The following PEAK1 variants were observed in gnomAD, a reference collection of about 807,000 sequenced individuals.
PEAK1 encodes the protein inactive tyrosine-protein kinase PEAK1.
PEAK1 carries 54 observed loss-of-function variants against 124.7 expected under a neutral mutation model. The observed-to-expected ratio is 0.43, with a 90% CI of 0.35 to 0.54. The LOEUF is 0.54. Among genes scored for constraint, PEAK1 ranks in the 20% least tolerant of loss-of-function variants. The probability of loss-of-function intolerance (pLI) is 0.01; values close to 1 mark genes in which losing one functional copy is unlikely to be tolerated. For missense variants in PEAK1, 2,046 were observed against 2,134.5 expected, an observed-to-expected ratio of 0.96 and a Z score of 0.82; for synonymous variants, 719 against 760.0, an observed-to-expected ratio of 0.95 and a Z score of 0.89.
chr15:77,235,050 C>A (rs548772600), intron 6 of PEAK1, among the ~76,000 whole-genome samples: 8 of 152,020 alleles, frequency 5.3e-5, no homozygotes, highest in Non-Finnish European at 1.2e-4. Flanking sequence ...CTTGCTTCCC[C>A]TTCACCTTCC....
chr15:77,168,974 TAAAGGCCA>T (rs2056318935), intron 7 of PEAK1, among the ~76,000 whole-genome samples: 2 of 152,206 alleles, frequency 1.3e-5, no homozygotes, highest in Non-Finnish European at 2.9e-5. Context: ...AAAGGTTAGC[TAAAGGCCA>T]TTCAGGCAGC....
chr15:77,245,865 C>T (rs925029191), intron 6 of PEAK1, among the ~76,000 whole-genome samples: 1 of 152,114 alleles, frequency 6.6e-6, no homozygotes, highest in Non-Finnish European at 1.5e-5. Context: ...TCAAGTACTG[C>T]AGTTTGATTA....
At chr15:77,128,239 C>A (rs2052558731) in intron 9 of PEAK1, among the ~76,000 whole-genome samples, 1 of 152,128 alleles carries the variant, frequency 6.6e-6, no homozygotes, top group African/African-American at 2.4e-5. Flanking sequence ...AAAGACATTG[C>A]CAGTTTGAAT....
At chr15:77,332,366 G>T in intron 2 of PEAK1, 1 of 571,904 alleles carries the variant, frequency 1.7e-6, no homozygotes, top group Non-Finnish European at 2.2e-6. Context: ...TTGGGAGGCT[G>T]AGAGGGGCAG....
At chr15:77,273,938 C>T (rs1257634079) in intron 5 of PEAK1, among the ~76,000 whole-genome samples, 1 of 152,042 alleles carries the variant, frequency 6.6e-6, no homozygotes, top group Admixed American at 6.6e-5. Context: ...GGCATAGAGA[C>T]CAATGGAACA....
chr15:77,326,139 C>G (rs2153025533), intron 2 of PEAK1, among the ~76,000 whole-genome samples: 1 of 152,212 alleles, frequency 6.6e-6, no homozygotes, highest in South Asian at 2.1e-4. Flanking sequence ...GCCATTTTAG[C>G]CATCTATCTT....
chr15:77,325,363 G>A (rs189527929), intron 2 of PEAK1, among the ~76,000 whole-genome samples: 5 of 151,840 alleles, frequency 3.3e-5, no homozygotes, highest in East Asian at 3.9e-4. Flanking sequence ...AGCTTTGATC[G>A]TGCCATTGCA....
At chr15:77,309,281 G>GAAGTTCATAGA (rs2064289817) in intron 2 of PEAK1, among the ~76,000 whole-genome samples, 1 of 152,044 alleles carries the variant, frequency 6.6e-6, no homozygotes, top group African/African-American at 2.4e-5. Flanking sequence ...TTAGGACTTT[G>GAAGTTCATAGA]AAGTTCATAG....
Position 77,180,923 on chromosome 15 carries a change from C to A in PEAK1, c.1004G>T (p.Ser335Ile), listed in dbSNP as rs768266106. The change falls in exon 7 of 10, where the codon AGC becomes ATC. Residue 335 changes from serine (S) to isoleucine (I), a missense_variant. Coordinates refer to ENST00000682557, the MANE Select transcript of PEAK1 (RefSeq NM_001385026.1). Reference protein sequence around the residue: ...VVSYGQGSIQSMVSSDSTSPD... With the variant: ...VVSYGQGSIQIMVSSDSTSPD... The stretch of plus-strand genomic sequence containing the variant: ...TGATGTGGAGTCAGATGACACCATG[C>A]TCTGAATGCTTCCTTGTCCATAAGA... 6.2e-7 allele frequency: 1 copy of A among 1,614,080 alleles called. No homozygotes were observed. Among genetic ancestry groups the A allele is most frequent in the Non-Finnish European group, 8.5e-7 (1 of 1,179,994 alleles).
rs140399122 is a variant in PEAK1, at chr15:77,374,316, A to G, written c.-665-9091T>C. On this transcript the variant is annotated intron_variant, in intron 1 of 9. Coordinates refer to ENST00000682557, the MANE Select transcript of PEAK1 (RefSeq NM_001385026.1). ...ACTTCTAATTAGTTTTACTAGGTAT[A>G]TTAATTATAAACAGAATACCATGAG... is the stretch of plus-strand genomic sequence containing the variant. 3.4e-3 allele frequency among the ~76,000 whole-genome samples: 512 copies of G among 152,298 alleles called. 3 individuals carry two copies. The highest frequency in any genetic ancestry group is 0.012 in the African/African-American group (499 of 41,562).
chr15:77,404,686 A>C (rs533721864), intron 1 of PEAK1: 137 of 951,624 alleles, frequency 1.4e-4, no homozygotes, highest in Non-Finnish European at 1.6e-4. Context: ...CTGCTGTACT[A>C]ATATATTTGG....
intron 6 of PEAK1, among the ~76,000 whole-genome samples, chr15:77,250,252 T>C (rs1225451222): frequency 1.4e-5 from 1 of 71,214 alleles, no homozygotes; most frequent in Non-Finnish European, 3.8e-5. Flanking sequence ...TATATATATA[T>C]ATATATTTTT....
At chr15:77,373,289 T>C (rs1298526495) in intron 1 of PEAK1, among the ~76,000 whole-genome samples, 1 of 152,138 alleles carries the variant, frequency 6.6e-6, no homozygotes, top group African/African-American at 2.4e-5. Flanking sequence ...TTTCTACTCA[T>C]TATGGAAGTC....
intron 1 of PEAK1, among the ~76,000 whole-genome samples, chr15:77,375,618 T>C (rs1185743333): frequency 6.6e-6 from 1 of 152,218 alleles, no homozygotes; most frequent in Non-Finnish European, 1.5e-5. Flanking sequence ...TTCATTAAAC[T>C]CACTTTGATC....
At chr15:77,378,804 G>T (rs1256260467) in intron 1 of PEAK1, among the ~76,000 whole-genome samples, 1 of 152,008 alleles carries the variant, frequency 6.6e-6, no homozygotes, top group African/African-American at 2.4e-5. Context: ...CTACAAAAAG[G>T]CCCTCAATCT....
chr15:77,407,682 T>C (rs1388658462), intron 1 of PEAK1, among the ~76,000 whole-genome samples: 3 of 152,174 alleles, frequency 2.0e-5, no homozygotes, highest in South Asian at 2.1e-4. Context: ...ACAACCACTA[T>C]GGAAAACAGT....
intron 5 of PEAK1, among the ~76,000 whole-genome samples, chr15:77,278,957 C>T (rs752172633): frequency 6.0e-5 from 9 of 151,116 alleles, no homozygotes; most frequent in Non-Finnish European, 1.0e-4. Flanking sequence ...CTCAGCCTCC[C>T]GAGTAGCTGG....
At chr15:77,237,080 G>C (rs2060158008) in intron 6 of PEAK1, among the ~76,000 whole-genome samples, 1 of 152,006 alleles carries the variant, frequency 6.6e-6, no homozygotes, top group East Asian at 1.9e-4. Context: ...TTTTTAAAGT[G>C]GGCTTATACT....
intron 6 of PEAK1, among the ~76,000 whole-genome samples, chr15:77,201,783 T>TA (rs2058375442): frequency 6.6e-6 from 1 of 152,200 alleles, no homozygotes; most frequent in Non-Finnish European, 1.5e-5. Context: ...AGTTTGTTTT[T>TA]ATGTTAATAT....
Sources: gnomAD v4.1 joint callset for allele counts (sites outside exome capture counted in the v4.1 genomes callset) on GRCh38, gnomAD v4.1.1 for gene constraint, MANE v1.5 for transcripts, NCBI Gene and HGNC (gene_info 2026-07-23, HGNC 2026-07-21) for gene names.